C1orf87: variants seen among roughly 807,000 people sequenced by gnomAD.
C1orf87 encodes chromosome 1 open reading frame 87.
A neutral mutation model predicts 60.5 loss-of-function variants in C1orf87; 58 were observed. The observed-to-expected ratio is 0.96, with a 90% confidence interval of 0.78 to 1.19. The LOEUF is 1.19. C1orf87 is among the 50% of genes most tolerant of loss of function. The pLI is 0.00. For synonymous variants in C1orf87, 236 were observed against 227.4 expected, an observed-to-expected ratio of 1.04 and a Z score of -0.34; for missense variants, 673 against 638.6, an observed-to-expected ratio of 1.05 and a Z score of -0.58.
intron 5 of C1orf87, among the ~76,000 whole-genome samples, chr1:60,039,295 G>T (rs17120032): frequency 0.11 from 15,972 of 152,092 alleles, 859 homozygotes; most frequent in Middle Eastern, 0.17. Context: ...CTATTTCAGG[G>T]TATTTTCCTC....
chr1:60,054,606 A>G (rs769570793), intron 3 of C1orf87, among the ~76,000 whole-genome samples: 1 of 152,202 alleles, frequency 6.6e-6, no homozygotes, highest in Non-Finnish European at 1.5e-5. Context: ...TTTGTTATCA[A>G]TGAATCATTA....
Position 59,990,515 on chromosome 1 carries a change from T to C in C1orf87, c.*158A>G, listed in dbSNP as rs1644913072. The C allele has an allele frequency of 1.1e-6, 1 of 879,538 alleles. No homozygotes were observed. Among genetic ancestry groups the C allele is most frequent in the African/African-American group, 1.7e-5 (1 of 59,614 alleles). 54.5% of individuals were successfully genotyped at this position (879,538 alleles called of 1,614,324 possible). A position where few individuals can be genotyped will look rare whatever the true frequency, so the allele number is the denominator to read the frequency against. On this transcript the variant is annotated 3_prime_UTR_variant, in exon 12 of 12. Coordinates refer to ENST00000371201, the MANE Select transcript of C1orf87 (RefSeq NM_152377.3). ...TTGAACTGCTTATGAGTGAGCATCATAGCCAGAAACTAAGTCCAAATCAAA... is the reference window on the plus strand; with the variant it reads ...TTGAACTGCTTATGAGTGAGCATCACAGCCAGAAACTAAGTCCAAATCAAA...
chr1:60,064,238 C>T (rs1039537794), intron 2 of C1orf87, among the ~76,000 whole-genome samples: 3 of 67,380 alleles, frequency 4.5e-5, no homozygotes, highest in East Asian at 7.4e-4. Context: ...TAATAAACTC[C>T]CCTTTATATA....
chr1:60,051,866 A>G (rs1645416970), intron 3 of C1orf87, among the ~76,000 whole-genome samples: 1 of 152,192 alleles, frequency 6.6e-6, no homozygotes, highest in African/African-American at 2.4e-5. Context: ...AGGGTTAGGG[A>G]GAGACAGGAG....
chr1:60,064,942 T>C (rs1453480342), intron 2 of C1orf87, among the ~76,000 whole-genome samples: 1 of 46,854 alleles, frequency 2.1e-5, no homozygotes, highest in African/African-American at 7.8e-5. Context: ...TAATATAAAA[T>C]ATATAATAAA....
chr1:60,019,109 C>G (rs140654048), intron 8 of C1orf87, among the ~76,000 whole-genome samples: 1 of 152,118 alleles, frequency 6.6e-6, no homozygotes, highest in Non-Finnish European at 1.5e-5. Context: ...TGTCCCCACC[C>G]AAATCTAATG....
At chr1:60,040,322 T>C in intron 4 of C1orf87, 142 bp from the exon 5 acceptor site, 1 of 1,015,704 alleles carries the variant, frequency 9.8e-7, no homozygotes, top group Non-Finnish European at 1.4e-6. Context: ...TCTGTGGCAC[T>C]GAAGGTGAGC....
Position 59,990,816 on chromosome 1 carries a change from G to T in C1orf87, c.1498C>A (p.Arg500=), listed in dbSNP as rs753805446. ...LSNTGVLEKE[R]ARRLIHNYNL... is the part of the protein sequence containing the mutation. ...TAGTTGTGAATGAGGCGTCTGGCTC[G>T]TTCCTTCTCCAGAACTCCTGTGATT... is the stretch of plus-strand genomic sequence containing the variant. The change falls in exon 12 of 12, where the codon CGA becomes AGA. Residue 500 remains arginine, a synonymous_variant. Transcript: ENST00000371201. 1 of 1,613,860 alleles carries T rather than the reference G, an allele frequency of 6.2e-7. No individual in the cohort carries two copies. Among genetic ancestry groups the T allele is most frequent in the Non-Finnish European group, 8.5e-7 (1 of 1,179,906 alleles).
At chr1:60,038,374 G>A (rs1645294112) in intron 5 of C1orf87, among the ~76,000 whole-genome samples, 1 of 151,936 alleles carries the variant, frequency 6.6e-6, no homozygotes, top group African/African-American at 2.4e-5. Context: ...AACCAGAACC[G>A]AGACCCTGTG....
At chr1:59,995,797 T>C (rs1295456570) in intron 11 of C1orf87, among the ~76,000 whole-genome samples, 1 of 152,222 alleles carries the variant, frequency 6.6e-6, no homozygotes, top group Non-Finnish European at 1.5e-5. Context: ...GTGCTGGGAT[T>C]ACAGGCATGA....
At chr1:60,065,420 T>C (rs1645539363) in intron 2 of C1orf87, among the ~76,000 whole-genome samples, 1 of 152,028 alleles carries the variant, frequency 6.6e-6, no homozygotes, top group African/African-American at 2.4e-5. Flanking sequence ...TCTAGCTGCT[T>C]ATCTCTGCAC....
chr1:60,039,334 C>T (rs1406895844), intron 5 of C1orf87, among the ~76,000 whole-genome samples: 1 of 152,170 alleles, frequency 6.6e-6, no homozygotes, highest in East Asian at 1.9e-4. Flanking sequence ...GACACTTGGA[C>T]TACTCTTTAT....
chr1:60,044,904 T>A lies in C1orf87; in HGVS notation c.343-3773A>T, dbSNP rs535485012. Reference sequence around the variant, plus strand: ...ACTTCAATCAATCCTAGTTGTGTGATGTTTGCCTAAAAGAACTGGTACAAA... The same window carrying A: ...ACTTCAATCAATCCTAGTTGTGTGAAGTTTGCCTAAAAGAACTGGTACAAA... On this transcript the variant is annotated intron_variant, in intron 3 of 11. Coordinates refer to ENST00000371201, the MANE Select transcript of C1orf87 (RefSeq NM_152377.3). Among the ~76,000 whole-genome samples, 276 of 152,318 alleles carry A rather than the reference T, an allele frequency of 1.8e-3. 1 individual carries two copies. Among genetic ancestry groups the A allele is most frequent in the Middle Eastern group, 6.8e-3 (2 of 294 alleles).
At chr1:60,054,991 T>C in intron 3 of C1orf87, among the ~76,000 whole-genome samples, 1 of 152,134 alleles carries the variant, frequency 6.6e-6, no homozygotes, top group East Asian at 1.9e-4. Context: ...TCTTTGGTGA[T>C]CATGACCAAC....
chr1:60,034,894 T>C (rs926248712), intron 6 of C1orf87, among the ~76,000 whole-genome samples: 1 of 152,170 alleles, frequency 6.6e-6, no homozygotes, highest in African/African-American at 2.4e-5. Flanking sequence ...ATTTTAGATG[T>C]ATATAACTTT....
chr1:60,037,957 AG>A (rs1225212571), intron 6 of C1orf87, 34 bp downstream of exon 6: 59 of 1,446,378 alleles, frequency 4.1e-5, no homozygotes, highest in Non-Finnish European at 5.5e-5. Flanking sequence ...TAAGACACCT[AG>A]GAACAATACC....
Position 59,997,722 on chromosome 1 carries a change from G to C in C1orf87, c.1367C>G (p.Ser456Cys). The C allele has an allele frequency of 6.2e-7, 1 of 1,613,984 alleles. No individual in the cohort carries two copies. Among genetic ancestry groups the C allele is most frequent in the Non-Finnish European group, 8.5e-7 (1 of 1,179,908 alleles). ...CACAGCTGGATTCACGAAGGGCTGG[G>C]AGACTGGCCTGATCTTTAAAGGTTT... ...PLKPLKIRPV[S>C]QPFVNPAVKN... The change falls in exon 11 of 12, where the codon TCC becomes TGC. Residue 456 changes from serine (S) to cysteine (C), a missense_variant. By Grantham distance (112) the Ser-to-Cys change is moderately radical. Transcript: ENST00000371201.
At chr1:60,066,725 G>A (rs1206962912) in intron 2 of C1orf87, among the ~76,000 whole-genome samples, 1 of 151,614 alleles carries the variant, frequency 6.6e-6, no homozygotes, top group African/African-American at 2.4e-5. Context: ...TGTGCAGAAT[G>A]TGCAGGTTTG....
At chr1:60,029,637 GTTTTTTTTTT>G (rs34501342) in intron 7 of C1orf87, among the ~76,000 whole-genome samples, 1 of 95,648 alleles carries the variant, frequency 1.0e-5, no homozygotes, top group Non-Finnish European at 1.9e-5. Flanking sequence ...GTCCCCCCAA[GTTTTTTTTTT>G]TTTTTTTTTT....
Sources: gnomAD v4.1 joint callset for allele counts (sites outside exome capture counted in the v4.1 genomes callset) on GRCh38, gnomAD v4.1.1 for gene constraint, MANE v1.5 for transcripts, NCBI Gene and HGNC (gene_info 2026-07-23, HGNC 2026-07-21) for gene names.